USP14: variants seen among roughly 807,000 people sequenced by gnomAD.
USP14 encodes ubiquitin carboxyl-terminal hydrolase 14.
A neutral mutation model predicts 76.5 loss-of-function variants in USP14; 38 were observed. That is an observed-to-expected ratio of 0.50 (90% CI 0.38 to 0.65). The LOEUF is 0.65. USP14 is among the 30% of genes least tolerant of loss of function. The pLI, the probability that USP14 is intolerant of heterozygous loss-of-function variation, is 0.00. For missense variants in USP14, 467 were observed against 586.5 expected (o/e 0.80, Z 2.10); for synonymous variants, 192 against 191.7 (o/e 1.00, Z -0.01).
chr18:184,803 A>G (rs564227099), intron 5 of USP14, among the ~76,000 whole-genome samples: 2 of 152,114 alleles, frequency 1.3e-5, no homozygotes, highest in Admixed American at 6.5e-5. Flanking sequence ...AGTGGGATGT[A>G]TAATGATGGA....
At chr18:183,002 A>G (rs1345480938) in intron 5 of USP14, among the ~76,000 whole-genome samples, 2 of 152,236 alleles carry the variant, frequency 1.3e-5, no homozygotes, top group East Asian at 3.8e-4. Context: ...ACTGACATTC[A>G]AATTATCCTC....
At chr18:163,817 GTTT>G (rs68144137) in intron 2 of USP14, among the ~76,000 whole-genome samples, 2 of 144,120 alleles carry the variant, frequency 1.4e-5, no homozygotes, top group African/African-American at 5.1e-5. Context: ...CCGATAGGTA[GTTT>G]TTTTTTTTTT....
chr18:198,462 C>T (rs1316631301), intron 9 of USP14, among the ~76,000 whole-genome samples: 1 of 152,116 alleles, frequency 6.6e-6, no homozygotes, highest in East Asian at 1.9e-4. Context: ...TATTGAACTC[C>T]TGACTTTAGT....
At chr18:187,038 A>T (rs1429511884) in intron 5 of USP14, among the ~76,000 whole-genome samples, 1 of 152,202 alleles carries the variant, frequency 6.6e-6, no homozygotes, top group Non-Finnish European at 1.5e-5. Context: ...AAAAATATGA[A>T]TGCTACATTC....
chr18:192,775 GT>G, intron 5 of USP14, 66 bp from the exon 6 acceptor site: 1 of 1,507,910 alleles, frequency 6.6e-7, no homozygotes, highest in Non-Finnish European at 9.2e-7. Context: ...CTTTTAACTG[GT>G]TTCTTCCCAT....
chr18:204,612 G>C lies in USP14; in HGVS notation c.1084G>C (p.Glu362Gln), dbSNP rs767824090. The change falls in exon 13 of 16, where the codon GAA becomes CAA. Residue 362 changes from glutamate to glutamine, a missense_variant. Coordinates refer to ENST00000261601, the MANE Select transcript of USP14 (RefSeq NM_005151.4). ...MLDMYELCTP[E>Q]LQEKMVSFRS... Reference sequence around the variant, plus strand: ...GGATATGTATGAACTGTGTACACCAGAACTTCAAGAGAAAATGGTGTCTTT... The same window carrying C: ...GGATATGTATGAACTGTGTACACCACAACTTCAAGAGAAAATGGTGTCTTT... 5 of 1,612,998 alleles carry C rather than the reference G, an allele frequency of 3.1e-6. No individual in the cohort carries two copies. Among genetic ancestry groups the C allele is most frequent in the East Asian group, 2.2e-5 (1 of 44,786 alleles).
At chr18:190,408 T>G (rs1910055237) in intron 5 of USP14, among the ~76,000 whole-genome samples, 1 of 152,172 alleles carries the variant, frequency 6.6e-6, no homozygotes. Context: ...AAAACGGAGG[T>G]ACCAATTCAT....
chr18:162,063 A>G (rs984046985), intron 1 of USP14, among the ~76,000 whole-genome samples: 2 of 152,212 alleles, frequency 1.3e-5, no homozygotes, highest in African/African-American at 2.4e-5. Flanking sequence ...TGCAGCATGT[A>G]TAAGAGTTTC....
intron 9 of USP14, 34 bp downstream of exon 9, chr18:198,166 A>C: frequency 2.0e-6 from 3 of 1,515,262 alleles, no homozygotes; most frequent in Non-Finnish European, 2.7e-6. Context: ...GACTATACTC[A>C]TACCTTATTA....
At chr18:171,025 A>AAAAAAAT (rs1327304974) in intron 3 of USP14, among the ~76,000 whole-genome samples, 3 of 47,682 alleles carry the variant, frequency 6.3e-5, no homozygotes, top group African/African-American at 2.6e-4. Context: ...AAAAAAAAAA[A>AAAAAAAT]ATATATATAT....
intron 4 of USP14, 34 bp from the exon 5 acceptor site, chr18:180,202 G>A: frequency 8.2e-7 from 1 of 1,216,064 alleles, no homozygotes; most frequent in South Asian, 1.5e-5. Flanking sequence ...ATGGTTTAAT[G>A]ATTTAATCCT....
chr18:181,909 G>A (rs8087611), intron 5 of USP14, among the ~76,000 whole-genome samples: 31,711 of 151,884 alleles, frequency 0.21, 3,805 homozygotes, highest in South Asian at 0.28. Flanking sequence ...GTGGGAGGGA[G>A]GGAGGTATTT....
intron 3 of USP14, among the ~76,000 whole-genome samples, chr18:170,276 C>T (rs1251611992): frequency 6.6e-6 from 1 of 152,036 alleles, no homozygotes; most frequent in Non-Finnish European, 1.5e-5. Context: ...TGCACTCCAG[C>T]CTGGCCAACA....
intron 3 of USP14, among the ~76,000 whole-genome samples, chr18:178,353 T>G (rs572386384): frequency 1.3e-4 from 20 of 152,158 alleles, no homozygotes; most frequent in Admixed American, 1.3e-3. Flanking sequence ...TGGAGAGAGA[T>G]AATGCCACTA....
rs16428 is a variant in USP14 at position 211,904 on chromosome 18, GTCTC to G, written c.*626_*629del. 0.21 allele frequency: 32,542 copies of G among 152,118 alleles called. 4,000 individuals are homozygous for G. The highest frequency in any genetic ancestry group is 0.29 in the South Asian group (1,374 of 4,806). 9.4% of individuals were successfully genotyped at this position (152,118 alleles called of 1,614,324 possible). A position where few individuals can be genotyped will look rare whatever the true frequency, so the allele number is the denominator to read the frequency against. The stretch of plus-strand genomic sequence containing the variant: ...CCTTTGATTATACATTTATTATTGT[GTCTC>G]TCTCTGATGTACTGTGGATTGTACA... On this transcript the variant is annotated 3_prime_UTR_variant, in exon 16 of 16. Coordinates refer to ENST00000261601, the MANE Select transcript of USP14 (RefSeq NM_005151.4).
rs780811360 is a variant in USP14, at chr18:211,279, C to A, written c.1480C>A (p.Gln494Lys). 10 of 1,601,606 alleles carry A rather than the reference C, an allele frequency of 6.2e-6. No homozygotes were observed. In the Admixed American group the frequency reaches 1.7e-4, roughly 28 times the overall value. Reference protein sequence around the residue: ...RVEIMEEESEQ With the variant: ...RVEIMEEESEK Reference sequence around the variant, plus strand: ...TGAAATAATGGAAGAGGAAAGTGAACAGTAATCTTCATTTTAGTATTTATG... The same window carrying A: ...TGAAATAATGGAAGAGGAAAGTGAAAAGTAATCTTCATTTTAGTATTTATG... Residue 494 changes from glutamine (Q) to lysine (K), a missense_variant, in exon 16 of 16, where the codon CAG becomes AAG. By Grantham distance (53) the Gln-to-Lys change is moderately conservative. Transcript: ENST00000261601.
chr18:159,264 TC>T (rs1909047861), intron 1 of USP14, among the ~76,000 whole-genome samples: 1 of 152,196 alleles, frequency 6.6e-6, no homozygotes, highest in African/African-American at 2.4e-5. Context: ...CCTTTTTGCT[TC>T]GTTTTCGTTT....
intron 9 of USP14, 142 bp downstream of exon 9, chr18:198,274 G>T (rs1268804150): frequency 7.5e-6 from 5 of 666,456 alleles, no homozygotes; most frequent in African/African-American, 5.5e-5. Flanking sequence ...TTTCGCTCTT[G>T]TCGCCCAGGC....
At position 169,386 on chromosome 18, in the gene USP14, T is replaced by C. The variant is rs1273031607; in HGVS notation, c.195+2567T>C. 9.1e-5 allele frequency among the ~76,000 whole-genome samples: 12 copies of C among 132,036 alleles called. No individual in the cohort carries two copies. The South Asian group carries it at 1.9e-3, about 21-fold the overall frequency. The allele number at this position is 132,036 out of a possible 152,430, so 86.6% of individuals were successfully genotyped here. A position where few individuals can be genotyped will look rare whatever the true frequency, so the allele number is the denominator to read the frequency against. On this transcript the variant is annotated intron_variant, in intron 3 of 15. Transcript: ENST00000261601. ...AAAAAAAAAAAAAAAAAAAAAAGAG[T>C]GGACATCTTGTCTTATTCTAGTTCA...
Sources: allele counts gnomAD v4.1 joint callset (sites outside exome capture counted in the v4.1 genomes callset), GRCh38; gene constraint gnomAD v4.1.1; transcripts MANE v1.5; gene names NCBI Gene and HGNC (gene_info 2026-07-23, HGNC 2026-07-21).